Variants in CRMP1 observed in about 807,000 individuals in gnomAD.
CRMP1 encodes collapsin response mediator protein 1.
A neutral mutation model predicts 68.3 loss-of-function variants in CRMP1; 19 were observed. That is an observed-to-expected ratio of 0.28 (90% CI 0.19 to 0.41). The LOEUF is 0.41. CRMP1 is among the 10% of genes least tolerant of loss of function. The probability of loss-of-function intolerance (pLI) is 1.00; values close to 1 mark genes in which losing one functional copy is unlikely to be tolerated. For missense variants in CRMP1, 791 were observed against 967.4 expected, an observed-to-expected ratio of 0.82 and a Z score of 2.42; for synonymous variants, 439 against 399.6, an observed-to-expected ratio of 1.10 and a Z score of -1.18.
intron 11 of CRMP1, among the ~76,000 whole-genome samples, chr4:5,829,420 T>C (rs1454771220): frequency 1.3e-5 from 2 of 152,120 alleles, no homozygotes; most frequent in Non-Finnish European, 2.9e-5. Flanking sequence ...ACTCACCTTC[T>C]TTCCATTATT....
chr4:5,874,770 G>A (rs955747528), intron 1 of CRMP1, among the ~76,000 whole-genome samples: 3 of 152,084 alleles, frequency 2.0e-5, no homozygotes, highest in Non-Finnish European at 2.9e-5. Context: ...AAAGAAAGGA[G>A]AGAAGAGAGA....
Position 5,825,867 on chromosome 4 carries a change from ACACATC to A in CRMP1, c.1804-214_1804-209del. On this transcript the variant is annotated intron_variant, in intron 12 of 13. Transcript: ENST00000324989. The surrounding 1 kb of genome is among the most constrained non-coding windows in gnomAD (Gnocchi z 4.4). ...TTCATACACACAAGCATGCATACAC[ACACATC>A]TACATACCCACATGCATACACATAC... 7 of 563,534 alleles carry A rather than the reference ACACATC, an allele frequency of 1.2e-5. No homozygotes were observed. The highest frequency in any genetic ancestry group is 4.5e-4 in the Middle Eastern group (1 of 2,212). 34.9% of individuals were successfully genotyped at this position (563,534 alleles called of 1,614,324 possible). A position where few individuals can be genotyped will look rare whatever the true frequency, so the allele number is the denominator to read the frequency against.
chr4:5,837,673 TAAAA>T (rs1720817348), intron 9 of CRMP1, among the ~76,000 whole-genome samples: 1 of 108,256 alleles, frequency 9.2e-6, no homozygotes, highest in Admixed American at 8.3e-5. Context: ...TAAAATAAAA[TAAAA>T]TAAATAAAAT....
In CRMP1 at chr4:5,856,294, A is replaced by G. The variant is rs1345417341; in HGVS notation, c.669T>C (p.Val223=). ...TCAGTAGGCTGGACCCAGGTTCAGGAACAACATGGTCAACTGGGACAGAGA... is the reference window on the plus strand; with the variant it reads ...TCAGTAGGCTGGACCCAGGTTCAGGGACAACATGGTCAACTGGGACAGAGA... ...GGTTMIIDHV[V]PEPGSSLLTS... The change falls in exon 4 of 14, where the codon GTT becomes GTC. Residue 223 remains valine, a synonymous_variant. Coordinates refer to ENST00000324989, the MANE Select transcript of CRMP1 (RefSeq NM_001014809.3). 2 of 1,613,534 alleles carry G rather than the reference A, an allele frequency of 1.2e-6. No homozygotes were observed. Among genetic ancestry groups the G allele is most frequent in the South Asian group, 2.2e-5 (2 of 91,036 alleles).
intron 11 of CRMP1, among the ~76,000 whole-genome samples, chr4:5,835,682 G>A (rs1477386086): frequency 6.6e-6 from 1 of 152,194 alleles, no homozygotes; most frequent in East Asian, 1.9e-4. Flanking sequence ...AAGAGACAGA[G>A]AGAGAGGAGA....
rs948443403 is a variant in CRMP1 at position 5,892,725 on chromosome 4, T to C, written c.245A>G (p.Glu82Gly). Residue 82 changes from glutamate to glycine, a missense_variant, in exon 1 of 14, where the codon GAG (glutamate) becomes GGG (glycine). Glu to Gly is a moderately conservative substitution (Grantham distance 98). This residue lies in a region of CRMP1 where 193 missense variants were observed against 186.3 expected (regional missense o/e 1.04). Transcript: ENST00000324989. This position sits in a 1 kb window ranked among gnomAD's most constrained non-coding sequence, Gnocchi z 8.6. ...AVGLPGPGGS[E>G]DTASDVSEPS... is the part of the protein sequence containing the mutation. ...CTCGCTCACGTCGCTGGCCGTGTCC[T>C]CGCTGCCTCCCGGCCCTGGCAGCCC... 4.9e-6 allele frequency: 6 copies of C among 1,229,434 alleles called. No individual in the cohort carries two copies. Among genetic ancestry groups the C allele is most frequent in the Admixed American group, 8.2e-5 (2 of 24,474 alleles). 76.2% of individuals were successfully genotyped at this position (1,229,434 alleles called of 1,614,324 possible).
At position 5,889,676 on chromosome 4, in the gene CRMP1, G is replaced by A. The variant is rs757466388; in HGVS notation, c.381+2913C>T. ...TCTGCATGCGAAATCCAACCCCACA[G>A]GTCCTATGAAACTACTCATCTTTTC... On this transcript the variant is annotated intron_variant, in intron 1 of 13. Coordinates refer to ENST00000324989, the MANE Select transcript of CRMP1 (RefSeq NM_001014809.3). This position sits in a 1 kb window ranked among gnomAD's most constrained non-coding sequence, Gnocchi z 4.5. The A allele has an allele frequency of 2.5e-4, 383 of 1,535,996 alleles. No individual in the cohort carries two copies. The highest frequency in any genetic ancestry group is 3.1e-4 in the Non-Finnish European group (361 of 1,146,906).
chr4:5,876,925 C>T (rs1714882822), intron 1 of CRMP1, among the ~76,000 whole-genome samples: 2 of 152,142 alleles, frequency 1.3e-5, no homozygotes, highest in South Asian at 4.1e-4. Flanking sequence ...CAACACAGAC[C>T]CTCTGTGGCA....
rs1560512337 is a variant in CRMP1, at chr4:5,866,955, C to T, written c.382-199G>A. 6.6e-6 allele frequency among the ~76,000 whole-genome samples: 1 copy of T among 152,200 alleles called. No individual in the cohort carries two copies. The highest frequency in any genetic ancestry group is 1.9e-4 in the East Asian group (1 of 5,202). ...CTCCTTTCACCTTTCTCCCCTCTCA[C>T]TTTGTTTTGTTTTTGCTGAGGTGTT... On this transcript the variant is annotated intron_variant, in intron 1 of 13. Coordinates refer to ENST00000324989, the MANE Select transcript of CRMP1 (RefSeq NM_001014809.3). The surrounding 1 kb of genome is among the most constrained non-coding windows in gnomAD (Gnocchi z 5.9).
Position 5,843,001 on chromosome 4 carries a change from G to A in CRMP1, c.1032+92C>T, listed in dbSNP as rs568921850. ...CTGGGAGAGGACACGGGAAGAGGCC[G>A]GGTCCTGGCTGGGCTACTCCAGCTG... On this transcript the variant is annotated intron_variant, in intron 7 of 13. Transcript: ENST00000324989. The surrounding 1 kb of genome is among the most constrained non-coding windows in gnomAD (Gnocchi z 4.1). 61 of 1,241,198 alleles carry A rather than the reference G, an allele frequency of 4.9e-5. No homozygotes were observed. The highest frequency in any genetic ancestry group is 2.3e-4 in the Admixed American group (13 of 57,746). 76.9% of individuals were successfully genotyped at this position (1,241,198 alleles called of 1,614,324 possible). A position where few individuals can be genotyped will look rare whatever the true frequency, so the allele number is the denominator to read the frequency against.
In CRMP1 at chr4:5,860,968, G is replaced by A; in HGVS notation, c.655+58C>T. 1.3e-6 allele frequency: 2 copies of A among 1,551,038 alleles called. No homozygotes were observed. Among genetic ancestry groups the A allele is most frequent in the South Asian group, 2.4e-5 (2 of 84,654 alleles). ...AACACACTGAGCACTTGTGATGCTG[G>A]TGATGGGGAGGAGACCTCACAGTCT... is the stretch of plus-strand genomic sequence containing the variant. On this transcript the variant is annotated intron_variant, in intron 3 of 13. Transcript: ENST00000324989. The surrounding 1 kb of genome is among the most constrained non-coding windows in gnomAD (Gnocchi z 4.2).
In CRMP1 at chr4:5,838,322, G is replaced by C. The variant is rs146546847; in HGVS notation, c.1310+1200C>G. On this transcript the variant is annotated intron_variant, in intron 9 of 13. Coordinates refer to ENST00000324989, the MANE Select transcript of CRMP1 (RefSeq NM_001014809.3). This position sits in a 1 kb window ranked among gnomAD's most constrained non-coding sequence, Gnocchi z 4.9. ...GGTCAGGGCGTGTGCACCGGATTGA[G>C]TTCTGCCTTGTTGGATGTTGCAGGG... Among the ~76,000 whole-genome samples the C allele has an allele frequency of 6.6e-6, 1 of 152,128 alleles. No individual in the cohort carries two copies. The highest frequency in any genetic ancestry group is 1.5e-5 in the Non-Finnish European group (1 of 68,030).
intron 1 of CRMP1, among the ~76,000 whole-genome samples, chr4:5,869,504 A>C (rs923217853): frequency 2.6e-5 from 4 of 151,436 alleles, no homozygotes; most frequent in Non-Finnish European, 4.4e-5. Flanking sequence ...AACACGGTGA[A>C]ACGCCATCTC....
At chr4:5,871,287 G>A (rs752903787) in intron 1 of CRMP1, among the ~76,000 whole-genome samples, 3 of 152,210 alleles carry the variant, frequency 2.0e-5, no homozygotes, top group African/African-American at 7.2e-5. Flanking sequence ...TCAAAGCCAT[G>A]TGCTTCAGAA....
rs760819545 is a variant in CRMP1, at chr4:5,865,803, G to A, written c.470+865C>T. On this transcript the variant is annotated intron_variant, in intron 2 of 13. Transcript: ENST00000324989. The surrounding 1 kb of genome is among the most constrained non-coding windows in gnomAD (Gnocchi z 4.1). Reference sequence around the variant, plus strand: ...TGAATGAGGCCACAGGAGTGGGGCTGGAATCCAACAAAACTGGTGACCTTA... The same window carrying A: ...TGAATGAGGCCACAGGAGTGGGGCTAGAATCCAACAAAACTGGTGACCTTA... 9.2e-5 allele frequency among the ~76,000 whole-genome samples: 14 copies of A among 151,936 alleles called. No homozygotes were observed. Among genetic ancestry groups the A allele is most frequent in the Non-Finnish European group, 1.5e-4 (10 of 67,998 alleles).
chr4:5,839,571 G>A lies in CRMP1; in HGVS notation c.1261C>T (p.Leu421=), dbSNP rs1022120190. The change falls in exon 9 of 14, where the codon CTG becomes TTG. Residue 421 remains leucine (L), a synonymous_variant. Coordinates refer to ENST00000324989, the MANE Select transcript of CRMP1 (RefSeq NM_001014809.3). ...KAAAFVTSPP[L]SPDPTTPDYL... ...TCGGGCGTGGTAGGGTCCGGGCTCA[G>A]GGGAGGGGAAGTCACGAACGCCGCA... is the stretch of plus-strand genomic sequence containing the variant. The A allele has an allele frequency of 3.1e-5, 50 of 1,612,410 alleles. No individual in the cohort carries two copies. Among genetic ancestry groups the A allele is most frequent in the Non-Finnish European group, 4.2e-5 (49 of 1,179,408 alleles).
chr4:5,866,876 C>G lies in CRMP1; in HGVS notation c.382-120G>C. ...TCAAAAGTAAAGGCATTTAACTTCC[C>G]CCGCCCCAGATCCATCACCAGCTTC... On this transcript the variant is annotated intron_variant, in intron 1 of 13. Transcript: ENST00000324989. This position sits in a 1 kb window ranked among gnomAD's most constrained non-coding sequence, Gnocchi z 5.9. 1.6e-6 allele frequency: 1 copy of G among 633,186 alleles called. No individual in the cohort carries two copies. Among genetic ancestry groups the G allele is most frequent in the East Asian group, 2.9e-5 (1 of 34,524 alleles). 39.2% of individuals were successfully genotyped at this position (633,186 alleles called of 1,614,324 possible). A position where few individuals can be genotyped will look rare whatever the true frequency, so the allele number is the denominator to read the frequency against.
intron 6 of CRMP1, among the ~76,000 whole-genome samples, chr4:5,847,976 G>A (rs1417351258): frequency 6.6e-6 from 1 of 152,072 alleles, no homozygotes; most frequent in Non-Finnish European, 1.5e-5. Flanking sequence ...CTCTGCACCA[G>A]AGACCCAGGA....
chr4:5,853,284 G>A lies in CRMP1; in HGVS notation c.821-1815C>T, dbSNP rs1409039107. Among the ~76,000 whole-genome samples the A allele has an allele frequency of 6.6e-6, 1 of 152,130 alleles. No homozygotes were observed. The highest frequency in any genetic ancestry group is 1.5e-5 in the Non-Finnish European group (1 of 68,038). ...AAAAATTAGCCGGGTGTGGTGGCAG[G>A]TGCCTGTAATCCAAGCTACTTGGGA... On this transcript the variant is annotated intron_variant, in intron 4 of 13. Coordinates refer to ENST00000324989, the MANE Select transcript of CRMP1 (RefSeq NM_001014809.3). This position sits in a 1 kb window ranked among gnomAD's most constrained non-coding sequence, Gnocchi z 4.7.
Sources: allele counts gnomAD v4.1 joint callset (sites outside exome capture counted in the v4.1 genomes callset), GRCh38; gene constraint gnomAD v4.1.1; regional missense constraint gnomAD v4.1.1; non-coding constraint Gnocchi (gnomAD v3.1); transcripts MANE v1.5; gene names NCBI Gene and HGNC (gene_info 2026-07-23, HGNC 2026-07-21).